UMAD1: variants seen among roughly 807,000 people sequenced by gnomAD.
UMAD1 encodes the protein UBAP1-MVB12-associated (UMA) domain containing 1.
A neutral mutation model predicts 6.1 loss-of-function variants in UMAD1; 8 were observed. The observed-to-expected ratio is 1.30, with a 90% CI of 0.76 to 2.35. The LOEUF is 2.35. UMAD1 is among the 30% of genes most tolerant of loss of function. The pLI is 0.00. For synonymous variants in UMAD1, 56 were observed against 31.4 expected, an observed-to-expected ratio of 1.78 and a Z score of -2.61; for missense variants, 130 against 78.4, an observed-to-expected ratio of 1.66 and a Z score of -2.49.
At chr7:7,821,887 A>G (rs1783248278) in intron 3 of UMAD1, among the ~76,000 whole-genome samples, 1 of 152,180 alleles carries the variant, frequency 6.6e-6, no homozygotes, top group Non-Finnish European at 1.5e-5. Flanking sequence ...GTTTTACTAT[A>G]TCCCATAAAT....
chr7:7,851,119 C>T (rs1055825966), intron 3 of UMAD1, among the ~76,000 whole-genome samples: 1 of 152,076 alleles, frequency 6.6e-6, no homozygotes. Context: ...ATAGATTTAC[C>T]TATTCTGACT....
intron 2 of UMAD1, among the ~76,000 whole-genome samples, chr7:7,769,572 T>C (rs776977675): frequency 3.3e-5 from 5 of 152,190 alleles, no homozygotes; most frequent in Non-Finnish European, 7.3e-5. Flanking sequence ...GTACCCAGCT[T>C]ATTGGTTTGG....
chr7:7,763,412 C>G (rs1781928739), intron 2 of UMAD1, among the ~76,000 whole-genome samples: 1 of 152,166 alleles, frequency 6.6e-6, no homozygotes, highest in Non-Finnish European at 1.5e-5. Context: ...CCACATTCTC[C>G]TCCCTCCTCC....
chr7:7,844,502 C>T (rs1038199947), intron 3 of UMAD1, among the ~76,000 whole-genome samples: 18 of 152,062 alleles, frequency 1.2e-4, no homozygotes, highest in African/African-American at 3.6e-4. Flanking sequence ...CAGTGACTGG[C>T]GTTGGTAGTA....
At chr7:7,765,952 A>G (rs1005280672) in intron 2 of UMAD1, among the ~76,000 whole-genome samples, 2 of 152,316 alleles carry the variant, frequency 1.3e-5, no homozygotes, top group Admixed American at 6.5e-5. Flanking sequence ...GTCCTTGTAT[A>G]TATAACAAAT....
intron 2 of UMAD1, among the ~76,000 whole-genome samples, chr7:7,699,849 T>C (rs984797954): frequency 6.6e-6 from 1 of 152,224 alleles, no homozygotes; most frequent in Non-Finnish European, 1.5e-5. Context: ...AACTCTAAAC[T>C]GAGCTCTGGG....
chr7:7,819,125 C>T (rs1251547047), intron 3 of UMAD1, among the ~76,000 whole-genome samples: 1 of 152,206 alleles, frequency 6.6e-6, no homozygotes, highest in African/African-American at 2.4e-5. Context: ...GCTGGGATTA[C>T]AGGCATGAAC....
chr7:7,726,518 T>C (rs1168679376), intron 2 of UMAD1, among the ~76,000 whole-genome samples: 3 of 152,236 alleles, frequency 2.0e-5, no homozygotes, highest in Admixed American at 2.0e-4. Flanking sequence ...CCGTGTATGC[T>C]CTGAATCAGT....
At chr7:7,665,144 G>GGAGAT (rs555089012) in intron 1 of UMAD1, among the ~76,000 whole-genome samples, 6 of 152,112 alleles carry the variant, frequency 3.9e-5, no homozygotes, top group Non-Finnish European at 8.8e-5. Context: ...GAAATTCAAA[G>GGAGAT]GAGATAATCA....
At chr7:7,761,328 G>C (rs1019500749) in intron 2 of UMAD1, among the ~76,000 whole-genome samples, 4 of 140,730 alleles carry the variant, frequency 2.8e-5, no homozygotes, top group African/African-American at 1.1e-4. Flanking sequence ...TCGTGTCACT[G>C]TACTCCATCC....
At chr7:7,840,905 T>G (rs1783667789) in intron 3 of UMAD1, among the ~76,000 whole-genome samples, 1 of 152,204 alleles carries the variant, frequency 6.6e-6, no homozygotes, top group Admixed American at 6.5e-5. Context: ...CATCATAGCC[T>G]GGCTTAGCAG....
intron 3 of UMAD1, among the ~76,000 whole-genome samples, chr7:7,858,127 A>T (rs2115330012): frequency 6.6e-6 from 1 of 152,344 alleles, no homozygotes; most frequent in Non-Finnish European, 1.5e-5. Flanking sequence ...ACTCAGGTAG[A>T]GAGCTTAAAA....
intron 1 of UMAD1, chr7:7,641,837 C>T (rs148528255): frequency 1.1e-4 from 17 of 152,292 alleles, no homozygotes; most frequent in Admixed American, 2.0e-4. Context: ...CGATTTGAGA[C>T]TTCACGTGGC....
At chr7:7,650,582 C>T (rs1195141999) in intron 1 of UMAD1, among the ~76,000 whole-genome samples, 2 of 152,180 alleles carry the variant, frequency 1.3e-5, no homozygotes, top group Non-Finnish European at 2.9e-5. Flanking sequence ...TGCCACTAAA[C>T]CGTACACTTA....
chr7:7,775,790 A>G (rs1782193428), intron 2 of UMAD1, among the ~76,000 whole-genome samples: 1 of 152,244 alleles, frequency 6.6e-6, no homozygotes, highest in African/African-American at 2.4e-5. Context: ...CAGCTATTCT[A>G]CTTCTAGGTA....
rs568541375 is a variant in UMAD1, at chr7:7,763,551, C to T, written c.83-38119C>T. On this transcript the variant is annotated intron_variant, in intron 2 of 3. Coordinates refer to ENST00000682710, the MANE Select transcript of UMAD1 (RefSeq NM_001302348.2). ...TTTCCAGTCATTGGAGTAACAAAGA[C>T]GTTTGAATTTTAAAAATTTAAATAT... Among the ~76,000 whole-genome samples the T allele has an allele frequency of 5.9e-4, 90 of 152,216 alleles. 1 individual carries two copies. The highest frequency in any genetic ancestry group is 9.2e-4 in the African/African-American group (38 of 41,518).
chr7:7,701,761 C>T (rs1780469714), intron 2 of UMAD1, among the ~76,000 whole-genome samples: 1 of 152,142 alleles, frequency 6.6e-6, no homozygotes, highest in Non-Finnish European at 1.5e-5. Flanking sequence ...CAGGTTTCTG[C>T]AGCTGTGGGT....
At chr7:7,641,175 C>G (rs1411535723) in intron 1 of UMAD1, 3 of 152,298 alleles carry the variant, frequency 2.0e-5, no homozygotes, top group Admixed American at 1.3e-4. Flanking sequence ...ACTTTCTCCA[C>G]CTGTAAGAAG....
intron 2 of UMAD1, among the ~76,000 whole-genome samples, chr7:7,696,309 A>G (rs1020676143): frequency 1.3e-5 from 2 of 151,790 alleles, no homozygotes; most frequent in Non-Finnish European, 2.9e-5. Context: ...ATTAAAAAAA[A>G]AAACACCCCA....
Sources: gnomAD v4.1 joint callset for allele counts (sites outside exome capture counted in the v4.1 genomes callset) on GRCh38, gnomAD v4.1.1 for gene constraint, MANE v1.5 for transcripts, NCBI Gene and HGNC (gene_info 2026-07-23, HGNC 2026-07-21) for gene names.